ABCC8: variants seen among roughly 807,000 people sequenced by gnomAD.
ABCC8 encodes the protein ATP binding cassette subfamily C member 8.
Under a neutral mutation model 188.0 loss-of-function variants are expected in ABCC8, and 137 were observed. That is an observed-to-expected ratio of 0.73 (90% CI 0.63 to 0.84). The LOEUF is 0.84. ABCC8 is among the 40% of genes least tolerant of loss of function. The pLI is 0.00. For synonymous variants in ABCC8, 797 were observed against 846.5 expected, an observed-to-expected ratio of 0.94 and a Z score of 1.01; for missense variants, 1,750 against 2,072.7, an observed-to-expected ratio of 0.84 and a Z score of 3.02.
At position 17,428,274 on chromosome 11, in the gene ABCC8, G is replaced by A. The variant is rs750450356; in HGVS notation, c.2040+15C>T. ...GTTGGTGCTGGGTGGCCAGGCATGG[G>A]GCAGCAGGACTCACCTGGACACAGC... On this transcript the variant is annotated intron_variant, in intron 14 of 38. Transcript: ENST00000389817. 8.1e-6 allele frequency: 13 copies of A among 1,613,928 alleles called. No individual in the cohort carries two copies. In the East Asian group the frequency reaches 2.7e-4, roughly 33 times the overall value.
At chr11:17,455,508 T>C (rs1258660021) in intron 6 of ABCC8, among the ~76,000 whole-genome samples, 1 of 152,190 alleles carries the variant, frequency 6.6e-6, no homozygotes, top group Non-Finnish European at 1.5e-5. Flanking sequence ...AAATCTACTT[T>C]TGTGGATTGA....
intron 12 of ABCC8, 30 bp from the exon 13 acceptor site, chr11:17,428,700 C>G (rs746960108): frequency 1.4e-5 from 23 of 1,608,886 alleles, no homozygotes; most frequent in Non-Finnish European, 1.9e-5. Flanking sequence ...ACACCCCTCA[C>G]CCCTGCCAGG....
intron 6 of ABCC8, 158 bp from the exon 7 acceptor site, chr11:17,453,441 G>A: frequency 2.0e-6 from 1 of 491,718 alleles, no homozygotes; most frequent in Non-Finnish European, 2.6e-6. Context: ...AAATCAGACT[G>A]ATAAATCCAA....
At chr11:17,426,094 A>T (rs1201650389) in intron 16 of ABCC8, among the ~76,000 whole-genome samples, 1 of 152,166 alleles carries the variant, frequency 6.6e-6, no homozygotes, top group Non-Finnish European at 1.5e-5. Flanking sequence ...ATTGATGGGC[A>T]TTTGGGTTGT....
chr11:17,403,905 A>G (rs1467539044), intron 28 of ABCC8, among the ~76,000 whole-genome samples: 1 of 152,168 alleles, frequency 6.6e-6, no homozygotes. Context: ...ATTTTTTCCT[A>G]CAATTTTTTG....
At chr11:17,458,093 C>T (rs781190385) in intron 6 of ABCC8, among the ~76,000 whole-genome samples, 30 of 152,336 alleles carry the variant, frequency 2.0e-4, no homozygotes, top group African/African-American at 3.4e-4. Flanking sequence ...AATTAAGCCA[C>T]ATCCCAGGCA....
In ABCC8 at chr11:17,448,572, T is replaced by G; in HGVS notation, c.1276A>C (p.Asn426His). ...QICNLVAIDT[N>H]QLMWFFFLCP... The stretch of plus-strand genomic sequence containing the variant: ...AAGAAGAAAAACCACATGAGCTGAT[T>G]GGTGTCGATGGCAACCAGATTACAG... The change falls in exon 8 of 39, where the codon AAT becomes CAT. Residue 426 changes from asparagine to histidine, a missense_variant. Transcript: ENST00000389817. 6.2e-7 allele frequency: 1 copy of G among 1,614,214 alleles called. No homozygotes were observed. The highest frequency in any genetic ancestry group is 8.5e-7 in the Non-Finnish European group (1 of 1,180,040).
chr11:17,459,876 C>G (rs1389233580), intron 6 of ABCC8, among the ~76,000 whole-genome samples: 1 of 152,204 alleles, frequency 6.6e-6, no homozygotes, highest in Non-Finnish European at 1.5e-5. Context: ...TGGATATAAT[C>G]TAGTCTAATA....
chr11:17,395,103 TTCTG>T (rs1190093313), intron 36 of ABCC8, 65 bp downstream of exon 36: 14 of 1,540,946 alleles, frequency 9.1e-6, no homozygotes, highest in Non-Finnish European at 1.1e-5. Flanking sequence ...AGACACGGGC[TTCTG>T]TCTGCCATCC....
intron 16 of ABCC8, among the ~76,000 whole-genome samples, chr11:17,424,437 C>T (rs1032630508): frequency 2.7e-4 from 41 of 152,256 alleles, no homozygotes; most frequent in African/African-American, 8.7e-4. Context: ...GCAGTCAGAC[C>T]CGGAGGGTTG....
At chr11:17,412,915 TC>T in intron 20 of ABCC8, 169 bp from the exon 21 acceptor site, 1 of 1,427,944 alleles carries the variant, frequency 7.0e-7, no homozygotes, top group Non-Finnish European at 9.4e-7. Flanking sequence ...CTGAATTCAT[TC>T]AGAAGAGGGC....
rs753597554 is a variant in ABCC8, at chr11:17,428,259, G to T, written c.2040+30C>A. The stretch of plus-strand genomic sequence containing the variant: ...GAGCTCCCTCTGGGAGTTGGTGCTG[G>T]GTGGCCAGGCATGGGGCAGCAGGAC... On this transcript the variant is annotated intron_variant, in intron 14 of 38. Transcript: ENST00000389817. The T allele has an allele frequency of 2.5e-6, 4 of 1,613,844 alleles. No homozygotes were observed. In the South Asian group the frequency reaches 3.3e-5, roughly 13 times the overall value.
chr11:17,404,390 G>A lies in ABCC8; in HGVS notation c.3557+122C>T. Reference sequence around the variant, plus strand: ...GGATATTTCTATTTCCTTCATTTCTGTTTTTTGTTTTTATTTTTTGGAGGG... The same window carrying A: ...GGATATTTCTATTTCCTTCATTTCTATTTTTTGTTTTTATTTTTTGGAGGG... On this transcript the variant is annotated intron_variant, in intron 28 of 38. Coordinates refer to ENST00000389817, the MANE Select transcript of ABCC8 (RefSeq NM_000352.6). This position sits in a 1 kb window ranked among gnomAD's most constrained non-coding sequence, Gnocchi z 4.7. 9.5e-7 allele frequency: 1 copy of A among 1,058,030 alleles called. No homozygotes were observed. Among genetic ancestry groups the A allele is most frequent in the Non-Finnish European group, 1.5e-6 (1 of 677,834 alleles). 65.5% of individuals were successfully genotyped at this position (1,058,030 alleles called of 1,614,324 possible).
intron 6 of ABCC8, among the ~76,000 whole-genome samples, chr11:17,456,587 A>G (rs138464160): frequency 1.4e-5 from 2 of 147,926 alleles, no homozygotes; most frequent in Non-Finnish European, 3.0e-5. Context: ...TAAAGAATAA[A>G]ATTATCTTTG....
rs1955682420 is a variant in ABCC8, at chr11:17,428,310, A to G, written c.2019T>C (p.Asp673=). 10 of 1,614,068 alleles carry G rather than the reference A, an allele frequency of 6.2e-6. No homozygotes were observed. The highest frequency in any genetic ancestry group is 8.5e-6 in the Non-Finnish European group (10 of 1,180,046). Reference sequence around the variant, plus strand: ...TCACCTGGACACAGCAGTTGTCAGCATCGCCATCTGCACTGGGGACCAGGC... The same window carrying G: ...TCACCTGGACACAGCAGTTGTCAGCGTCGCCATCTGCACTGGGGACCAGGC... The part of the protein sequence containing the change: ...LQSLVPSADG[D]ADNCCVQIMG... The change falls in exon 14 of 39, where the codon GAT becomes GAC. Residue 673 remains aspartate (D), a synonymous_variant. Coordinates refer to ENST00000389817, the MANE Select transcript of ABCC8 (RefSeq NM_000352.6).
chr11:17,397,640 G>A, intron 31 of ABCC8, 44 bp downstream of exon 31: 10 of 1,596,012 alleles, frequency 6.3e-6, no homozygotes, highest in Non-Finnish European at 8.5e-6. Flanking sequence ...CTCCGGGAGT[G>A]CTGGTGTCTG....
At chr11:17,406,827 C>T in intron 25 of ABCC8, 39 bp from the exon 26 acceptor site, 1 of 1,614,178 alleles carries the variant, frequency 6.2e-7, no homozygotes, top group Non-Finnish European at 8.5e-7. Context: ...CCAGGGTGCC[C>T]ATGGGCTCAG....
At chr11:17,426,314 C>A (rs1002441181) in intron 16 of ABCC8, among the ~76,000 whole-genome samples, 1 of 152,180 alleles carries the variant, frequency 6.6e-6, no homozygotes, top group African/African-American at 2.4e-5. Context: ...AGTGTAAAAG[C>A]GTTCCTATTT....
In ABCC8 at chr11:17,428,313, G is replaced by A. The variant is rs771361396; in HGVS notation, c.2016C>T (p.Gly672=). 1.5e-5 allele frequency: 24 copies of A among 1,614,042 alleles called. No individual in the cohort carries two copies. Among genetic ancestry groups the A allele is most frequent in the African/African-American group, 4.0e-5 (3 of 74,944 alleles). Residue 672 remains glycine (G), a synonymous_variant, in exon 14 of 39, where the codon GGC becomes GGT. Coordinates refer to ENST00000389817, the MANE Select transcript of ABCC8 (RefSeq NM_000352.6). ...CCTGGACACAGCAGTTGTCAGCATC[G>A]CCATCTGCACTGGGGACCAGGCTCT... is the stretch of plus-strand genomic sequence containing the variant. The part of the protein sequence containing the change: ...PLQSLVPSAD[G]DADNCCVQIM...
Sources: gnomAD v4.1 joint callset for allele counts (sites outside exome capture counted in the v4.1 genomes callset) on GRCh38, gnomAD v4.1.1 for gene constraint, Gnocchi (gnomAD v3.1) non-coding constraint, MANE v1.5 for transcripts, NCBI Gene and HGNC (gene_info 2026-07-23, HGNC 2026-07-21) for gene names.